The following GREB1 variants were observed in gnomAD, a reference collection of about 807,000 sequenced individuals.
GREB1 encodes protein GREB1.
In GREB1, 106 loss-of-function variants were observed where a neutral mutation model predicts 200.7. That is an observed-to-expected ratio of 0.53 (90% CI 0.45 to 0.62). The LOEUF is 0.62. Among genes scored for constraint, GREB1 ranks in the 20% least tolerant of loss-of-function variants. The probability of loss-of-function intolerance (pLI) is 0.00; values close to 1 mark genes in which losing one functional copy is unlikely to be tolerated. For missense variants in GREB1, 2,243 were observed against 2,556.8 expected (o/e 0.88, Z 2.65); for synonymous variants, 1,132 against 1,092.4 (o/e 1.04, Z -0.72).
chr2:11,605,141 CTTCTTTTTTTTTTTTTTTT>C lies in GREB1; in HGVS notation c.2666+2602_2666+2620del, dbSNP rs1257128759. Among the ~76,000 whole-genome samples, 11 of 40,608 alleles carry C rather than the reference CTTCTTTTTTTTTTTTTTTT, an allele frequency of 2.7e-4. No homozygotes were observed. In the South Asian group the frequency reaches 9.6e-3, roughly 35 times the overall value. 26.6% of individuals were successfully genotyped at this position (40,608 alleles called of 152,430 possible). ...GTCTGGAGCTGGGCACCAGAGCCTGCTTCTTTTTTTTTTTTTTTTTTTTTTTTTTTTTTTTACGCAGCAG... is the reference window on the plus strand; with the variant it reads ...GTCTGGAGCTGGGCACCAGAGCCTGCTTTTTTTTTTTTTTTTACGCAGCAG... On this transcript the variant is annotated intron_variant, in intron 17 of 32. Coordinates refer to ENST00000381486, the MANE Select transcript of GREB1 (RefSeq NM_014668.4).
intron 26 of GREB1, among the ~76,000 whole-genome samples, chr2:11,630,352 A>C (rs1684786789): frequency 6.6e-6 from 1 of 152,194 alleles, no homozygotes. Flanking sequence ...TGGTTTCCTC[A>C]TTGTTACATT....
At chr2:11,638,047 T>G in intron 31 of GREB1, 131 bp downstream of exon 31, 1 of 784,668 alleles carries the variant, frequency 1.3e-6, no homozygotes, top group Non-Finnish European at 2.1e-6. Context: ...CTTTGTAGGT[T>G]TTGCCATTCA....
chr2:11,630,958 G>A (rs1684829611), intron 26 of GREB1, among the ~76,000 whole-genome samples: 1 of 152,308 alleles, frequency 6.6e-6, no homozygotes, highest in South Asian at 2.1e-4. Context: ...TGGCCTTTCA[G>A]ATCTGGCAGC....
At chr2:11,521,318 C>A (rs187017848) in intron 1 of GREB1, among the ~76,000 whole-genome samples, 11 of 152,124 alleles carry the variant, frequency 7.2e-5, no homozygotes, top group African/African-American at 2.4e-4. Flanking sequence ...CAATGTTGCC[C>A]GGGCTGGTCT....
intron 1 of GREB1, among the ~76,000 whole-genome samples, chr2:11,552,879 G>T (rs560383554): frequency 2.6e-5 from 4 of 151,496 alleles, no homozygotes; most frequent in African/African-American, 9.7e-5. Context: ...GCATGGTGGC[G>T]CACGCCTGTA....
At chr2:11,614,603 G>T (rs527774889) in intron 19 of GREB1, among the ~76,000 whole-genome samples, 1 of 151,884 alleles carries the variant, frequency 6.6e-6, no homozygotes, top group Admixed American at 6.6e-5. Flanking sequence ...TGGCTCTGTC[G>T]CCCCGGCTGG....
At chr2:11,574,566 A>C (rs1678649014) in intron 4 of GREB1, among the ~76,000 whole-genome samples, 1 of 152,144 alleles carries the variant, frequency 6.6e-6, no homozygotes, top group African/African-American at 2.4e-5. Context: ...GGACAGGAAT[A>C]AAGCTGGAGA....
At chr2:11,518,146 T>C (rs1327057842) in intron 1 of GREB1, among the ~76,000 whole-genome samples, 1 of 152,180 alleles carries the variant, frequency 6.6e-6, no homozygotes, top group Non-Finnish European at 1.5e-5. Flanking sequence ...TAGTTTTCTT[T>C]TATGGTCTGC....
intron 11 of GREB1, among the ~76,000 whole-genome samples, chr2:11,593,765 G>A (rs1054660911): frequency 2.0e-5 from 3 of 152,068 alleles, no homozygotes; most frequent in South Asian, 2.1e-4. Context: ...CACCGTGCCC[G>A]GCCAATTGAT....
intron 1 of GREB1, among the ~76,000 whole-genome samples, chr2:11,542,441 A>G (rs1350934691): frequency 6.6e-6 from 1 of 151,878 alleles, no homozygotes; most frequent in Non-Finnish European, 1.5e-5. Flanking sequence ...TTGCAGATCC[A>G]CTCTCCCGTA....
intron 4 of GREB1, among the ~76,000 whole-genome samples, chr2:11,575,472 C>T (rs1024431153): frequency 7.2e-5 from 11 of 152,172 alleles, no homozygotes; most frequent in South Asian, 2.1e-4. Context: ...GTTGCCACTG[C>T]GTAGGAAGCC....
At chr2:11,595,129 G>A in intron 11 of GREB1, 122 bp from the exon 12 acceptor site, 1 of 856,470 alleles carries the variant, frequency 1.2e-6, no homozygotes, top group Non-Finnish European at 1.8e-6. Flanking sequence ...AGATCCAGCT[G>A]TTAGCCACAG....
chr2:11,590,202 C>T (rs1680588845), intron 10 of GREB1, among the ~76,000 whole-genome samples: 1 of 152,084 alleles, frequency 6.6e-6, no homozygotes, highest in African/African-American at 2.4e-5. Flanking sequence ...CCCCACCTGT[C>T]CATCAGTAAG....
In GREB1 at chr2:11,618,529, G is replaced by T. The variant is rs370883365; in HGVS notation, c.3654G>T (p.Ser1218=). The T allele has an allele frequency of 6.2e-7, 1 of 1,612,192 alleles. No homozygotes were observed. The highest frequency in any genetic ancestry group is 8.5e-7 in the Non-Finnish European group (1 of 1,179,734). The change falls in exon 22 of 33, where the codon TCG becomes TCT. Residue 1218 remains serine, a synonymous_variant. Coordinates refer to ENST00000381486, the MANE Select transcript of GREB1 (RefSeq NM_014668.4). ...GCGTCCAGGTGTCGGTCACCTCGTC[G>T]TGCTCCCAGCTGTCCTCCTCCTCGG... ...QRSVQVSVTS[S]CSQLSSSSGS...
At position 11,552,734 on chromosome 2, in the gene GREB1, G is replaced by T. The variant is rs573060733; in HGVS notation, c.-161-3720G>T. Among the ~76,000 whole-genome samples the T allele has an allele frequency of 5.3e-5, 8 of 152,090 alleles. No homozygotes were observed. In the East Asian group the frequency reaches 5.8e-4, roughly 11 times the overall value. ...ATAACAAAAAGAGCCGCAGTTGGCC[G>T]GGCGCGGTGGCTCACGCCTGTAATC... On this transcript the variant is annotated intron_variant, in intron 1 of 32. Transcript: ENST00000381486.
chr2:11,559,809 C>T (rs552733897), intron 2 of GREB1, among the ~76,000 whole-genome samples: 1 of 152,348 alleles, frequency 6.6e-6, no homozygotes, highest in East Asian at 1.9e-4. Flanking sequence ...CTGAAGCAGG[C>T]TCAAGAGTGT....
Position 11,598,859 on chromosome 2 carries a change from AG to A in GREB1, c.2333+1del. On this transcript the variant is annotated frameshift_variant and splice_region_variant, in exon 15 of 33. Coordinates refer to ENST00000381486, the MANE Select transcript of GREB1 (RefSeq NM_014668.4). LOFTEE classifies it high-confidence loss of function. ...TGACCATGCGCACTGGGATCTTGTG[AG>A]GTTAGATTGACTTGATATATGACAA... ...IHDHAHWDLVSSTVHNLYSQS... is the reference protein window; with the variant it reads ...IHDHAHWDLVXSTVHNLYSQS... 1 of 1,612,396 alleles carries A rather than the reference AG, an allele frequency of 6.2e-7. No homozygotes were observed. The highest frequency in any genetic ancestry group is 8.5e-7 in the Non-Finnish European group (1 of 1,178,604).
At chr2:11,510,400 A>G (rs1439662280) in intron 1 of GREB1, among the ~76,000 whole-genome samples, 2 of 152,208 alleles carry the variant, frequency 1.3e-5, no homozygotes, top group East Asian at 1.9e-4. Context: ...TTTAGCCACA[A>G]TTGCCAGTCA....
At chr2:11,539,242 G>T (rs188798846) in intron 1 of GREB1, among the ~76,000 whole-genome samples, 1 of 151,836 alleles carries the variant, frequency 6.6e-6, no homozygotes, top group Non-Finnish European at 1.5e-5. Context: ...GTAGAGATGT[G>T]GTCTCATTAT....
Sources: gnomAD v4.1 joint callset for allele counts (sites outside exome capture counted in the v4.1 genomes callset) on GRCh38, gnomAD v4.1.1 for gene constraint, MANE v1.5 for transcripts, NCBI Gene and HGNC (gene_info 2026-07-23, HGNC 2026-07-21) for gene names.